The following DGKB variants were observed in gnomAD, a reference collection of about 807,000 sequenced individuals.
DGKB encodes 90 kDa diacylglycerol kinase.
DGKB carries 67 observed loss-of-function variants against 114.3 expected under a neutral mutation model. The ratio of observed to expected loss-of-function variants is 0.59; its 90% CI spans 0.48 to 0.72. DGKB has a LOEUF of 0.72. Among genes scored for constraint, DGKB ranks in the 30% least tolerant of loss-of-function variants. The pLI, the probability that DGKB is intolerant of heterozygous loss-of-function variation, is 0.00. For missense variants in DGKB, 907 were observed against 975.2 expected (o/e 0.93, Z 0.93); for synonymous variants, 398 against 323.1 (o/e 1.23, Z -2.49).
chr7:14,474,766 A>C (rs1433211791), intron 21 of DGKB, among the ~76,000 whole-genome samples: 16 of 151,988 alleles, frequency 1.1e-4, no homozygotes, highest in Non-Finnish European at 2.9e-5. Context: ...ATTTATATAA[A>C]TATTTTAAAT....
intron 20 of DGKB, among the ~76,000 whole-genome samples, chr7:14,507,790 G>A (rs1162669541): frequency 6.6e-6 from 1 of 152,138 alleles, no homozygotes; most frequent in African/African-American, 2.4e-5. Flanking sequence ...TGCCAAACAT[G>A]CAGATGGCAG....
At chr7:14,507,624 T>G (rs1027146537) in intron 20 of DGKB, among the ~76,000 whole-genome samples, 1 of 152,180 alleles carries the variant, frequency 6.6e-6, no homozygotes, top group Non-Finnish European at 1.5e-5. Context: ...ACCCTTTCTT[T>G]TCAGGTATCC....
intron 20 of DGKB, among the ~76,000 whole-genome samples, chr7:14,525,300 G>A (rs1416892723): frequency 6.6e-6 from 1 of 152,130 alleles, no homozygotes; most frequent in African/African-American, 2.4e-5. Context: ...CTTTGTGCAT[G>A]ATCCCAAACT....
chr7:14,777,779 A>G lies in DGKB; in HGVS notation c.71-20048T>C, dbSNP rs185828011. Among the ~76,000 whole-genome samples, 672 of 152,366 alleles carry G rather than the reference A, an allele frequency of 4.4e-3. 8 individuals are homozygous for G. The highest frequency in any genetic ancestry group is 0.015 in the African/African-American group (629 of 41,584). On this transcript the variant is annotated intron_variant, in intron 2 of 25. Coordinates refer to ENST00000402815, the MANE Select transcript of DGKB (RefSeq NM_001350709.2). The stretch of plus-strand genomic sequence containing the variant: ...GAACATATTTCATCTGAACCTTACC[A>G]TAAATTCCTAAAGGTAGTGTGAACG...
rs1333451202 is a variant in DGKB at position 14,698,036 on chromosome 7, A to AAAAG, written c.591+55_591+58dup. ...AAGAAAGAGAAAGAAAGAAAGAAAG[A>AAAAG]AAAGAAAGAAAGAGGCCTTCCAGAA... On this transcript the variant is annotated intron_variant, in intron 8 of 25. Coordinates refer to ENST00000402815, the MANE Select transcript of DGKB (RefSeq NM_001350709.2). 4 of 869,112 alleles carry AAAAG rather than the reference A, an allele frequency of 4.6e-6. No individual in the cohort carries two copies. In the South Asian group the frequency reaches 6.0e-5, roughly 13 times the overall value. The allele number at this position is 869,112 out of a possible 1,614,324, so 53.8% of individuals were successfully genotyped here. A position where few individuals can be genotyped will look rare whatever the true frequency, so the allele number is the denominator to read the frequency against.
Position 14,804,555 on chromosome 7 carries a change from T to C in DGKB, c.70+36639A>G, listed in dbSNP as rs191047496. On this transcript the variant is annotated intron_variant, in intron 2 of 25. Coordinates refer to ENST00000402815, the MANE Select transcript of DGKB (RefSeq NM_001350709.2). The stretch of plus-strand genomic sequence containing the variant: ...TGTTCAGTTTTAGGTAGAAAATGTG[T>C]GTCCTCTTTCAATTCTAGACAATTC... Among the ~76,000 whole-genome samples, 584 of 151,998 alleles carry C rather than the reference T, an allele frequency of 3.8e-3. 1 individual carries two copies. Among genetic ancestry groups the C allele is most frequent in the Non-Finnish European group, 6.5e-3 (442 of 67,784 alleles).
At chr7:14,859,731 C>A (rs530187321) in intron 1 of DGKB, among the ~76,000 whole-genome samples, 1 of 152,084 alleles carries the variant, frequency 6.6e-6, no homozygotes, top group Non-Finnish European at 1.5e-5. Flanking sequence ...ATGAAACTTA[C>A]CTGTTGTTTA....
rs140463003 is a variant in DGKB at position 14,935,335 on chromosome 7, G to A, written c.-188+39361C>T. On this transcript the variant is annotated intron_variant, in intron 1 of 4. Transcript: ENST00000437998. ...GTTTTGATTGAATTACAAGAGTTTCGCCAAGGCTTAATAACAGGCGTCAAT... is the reference window on the plus strand; with the variant it reads ...GTTTTGATTGAATTACAAGAGTTTCACCAAGGCTTAATAACAGGCGTCAAT... Among the ~76,000 whole-genome samples the A allele has an allele frequency of 7.3e-3, 1,113 of 152,170 alleles. 17 individuals are homozygous for A. Among genetic ancestry groups the A allele is most frequent in the African/African-American group, 0.025 (1,057 of 41,526 alleles).
chr7:14,389,872 G>T (rs534294408), intron 21 of DGKB, among the ~76,000 whole-genome samples: 2 of 152,182 alleles, frequency 1.3e-5, no homozygotes, highest in African/African-American at 4.8e-5. Context: ...TAATAAGTTC[G>T]TTATCTAGTT....
At chr7:14,591,270 C>G (rs1007661517) in intron 17 of DGKB, among the ~76,000 whole-genome samples, 1 of 152,114 alleles carries the variant, frequency 6.6e-6, no homozygotes, top group Non-Finnish European at 1.5e-5. Context: ...GTACTTTTTA[C>G]CTATCAGTTC....
chr7:14,525,072 G>A (rs1790428307), intron 20 of DGKB, among the ~76,000 whole-genome samples: 1 of 151,934 alleles, frequency 6.6e-6, no homozygotes, highest in Non-Finnish European at 1.5e-5. Flanking sequence ...TGGCATCATT[G>A]AAGGCTTCCA....
chr7:14,803,085 C>G (rs1489688200), intron 2 of DGKB, among the ~76,000 whole-genome samples: 1 of 151,546 alleles, frequency 6.6e-6, no homozygotes, highest in Non-Finnish European at 1.5e-5. Flanking sequence ...GTCATTTGCA[C>G]AAACTTTTTT....
At chr7:14,319,307 A>G (rs1229302836) in intron 23 of DGKB, among the ~76,000 whole-genome samples, 1 of 152,058 alleles carries the variant, frequency 6.6e-6, no homozygotes, top group Non-Finnish European at 1.5e-5. Context: ...AAATATTGCA[A>G]TAAATGGAAT....
At chr7:14,325,762 T>G (rs916591933) in intron 23 of DGKB, among the ~76,000 whole-genome samples, 4 of 152,162 alleles carry the variant, frequency 2.6e-5, no homozygotes, top group Non-Finnish European at 5.9e-5. Context: ...TTATTTTTAT[T>G]CTTCTGTGGG....
chr7:14,816,094 G>A (rs1183332543), intron 2 of DGKB, among the ~76,000 whole-genome samples: 2 of 152,138 alleles, frequency 1.3e-5, no homozygotes, highest in Non-Finnish European at 2.9e-5. Flanking sequence ...ACTTTGGGAG[G>A]ACGAGGCGGG....
At chr7:14,220,702 C>T (rs539770751) in intron 23 of DGKB, among the ~76,000 whole-genome samples, 12 of 151,612 alleles carry the variant, frequency 7.9e-5, no homozygotes, top group Non-Finnish European at 1.5e-4. Context: ...ATCTGTAGAT[C>T]AAGTTGGTGA....
intron 14 of DGKB, among the ~76,000 whole-genome samples, chr7:14,626,625 T>C (rs1248495500): frequency 1.3e-5 from 2 of 152,194 alleles, no homozygotes; most frequent in African/African-American, 2.4e-5. Context: ...TTAATCAATA[T>C]GGACTGAACG....
At position 14,212,365 on chromosome 7, in the gene DGKB, T is replaced by TA. The variant is rs376607164; in HGVS notation, c.2123-34215_2123-34214insT. Among the ~76,000 whole-genome samples the TA allele has an allele frequency of 4.0e-3, 78 of 19,722 alleles. 11 individuals carry two copies. The highest frequency in any genetic ancestry group is 0.015 in the East Asian group (7 of 480). 12.9% of individuals were successfully genotyped at this position (19,722 alleles called of 152,430 possible). On this transcript the variant is annotated intron_variant, in intron 23 of 25. Coordinates refer to ENST00000402815, the MANE Select transcript of DGKB (RefSeq NM_001350709.2). ...TGATATTTACTCTCATGTTTTGTGA[T>TA]TTTACTCTCGTGTTTTGTGATATTT...
At chr7:14,229,535 C>T (rs901141951) in intron 23 of DGKB, among the ~76,000 whole-genome samples, 2 of 151,854 alleles carry the variant, frequency 1.3e-5, no homozygotes, top group African/African-American at 2.4e-5. Context: ...GCACTGCATA[C>T]GTGAATAGAT....
Sources: allele counts gnomAD v4.1 joint callset (sites outside exome capture counted in the v4.1 genomes callset), GRCh38; gene constraint gnomAD v4.1.1; transcripts MANE v1.5; gene names NCBI Gene and HGNC (gene_info 2026-07-23, HGNC 2026-07-21).